Variants in PCDH15 observed in about 807,000 individuals in gnomAD.
PCDH15 encodes the protein protocadherin related 15, also known as protocadherin-15.
In PCDH15, 129 loss-of-function variants were observed where a neutral mutation model predicts 178.5. The observed-to-expected ratio is 0.72, with a 90% CI of 0.63 to 0.84. The LOEUF (loss-of-function observed/expected upper bound fraction) is 0.84. PCDH15 is among the 40% of genes least tolerant of loss of function. The pLI is 0.00. For synonymous variants in PCDH15, 800 were observed against 732.0 expected (o/e 1.09, Z -1.50); for missense variants, 2,230 against 2,099.9 (o/e 1.06, Z -1.21).
intron 2 of PCDH15, among the ~76,000 whole-genome samples, chr10:54,569,639 T>A (rs915827597): frequency 6.6e-6 from 1 of 152,206 alleles, no homozygotes; most frequent in East Asian, 1.9e-4. Context: ...TACTCCAAGG[T>A]TGGCTTTGGG....
intron 2 of PCDH15, among the ~76,000 whole-genome samples, chr10:55,487,633 G>A (rs988474340): frequency 6.6e-6 from 1 of 151,488 alleles, no homozygotes; most frequent in Admixed American, 6.6e-5. Context: ...TTCCACTTTT[G>A]ATTACTGCTA....
intron 1 of PCDH15, among the ~76,000 whole-genome samples, chr10:55,253,281 A>G (rs1302110394): frequency 6.6e-6 from 1 of 151,606 alleles, no homozygotes; most frequent in East Asian, 1.9e-4. Flanking sequence ...CATGCAAGTA[A>G]GAACTTAAAG....
At chr10:54,238,611 T>C (rs1307789363) in intron 8 of PCDH15, among the ~76,000 whole-genome samples, 1 of 151,384 alleles carries the variant, frequency 6.6e-6, no homozygotes, top group Non-Finnish European at 1.5e-5. Context: ...ATCCAGAAGA[T>C]TATTGTTCTT....
At chr10:55,593,387 G>A (rs1842879787) in intron 2 of PCDH15, among the ~76,000 whole-genome samples, 1 of 151,804 alleles carries the variant, frequency 6.6e-6, no homozygotes, top group Non-Finnish European at 1.5e-5. Flanking sequence ...CACTGAACAT[G>A]TATAATTTAT....
chr10:54,789,966 GA>G (rs1304961047), intron 1 of PCDH15, among the ~76,000 whole-genome samples: 1 of 151,856 alleles, frequency 6.6e-6, no homozygotes, highest in Non-Finnish European at 1.5e-5. Flanking sequence ...ATTGACTGGA[GA>G]AAATACGACA....
At position 55,542,285 on chromosome 10, in the gene PCDH15, A is replaced by G. The variant is rs568830099; in HGVS notation, c.-156+85340T>C. Among the ~76,000 whole-genome samples, 5 of 151,228 alleles carry G rather than the reference A, an allele frequency of 3.3e-5. No individual in the cohort carries two copies. In the South Asian group the frequency reaches 8.3e-4, roughly 25 times the overall value. On this transcript the variant is annotated intron_variant, in intron 2 of 5. Coordinates refer to the PCDH15 transcript ENST00000613346. ...TACAGTATGTCTATATTATGTATAT[A>G]TGGACATATGTACAATATGTCCATA...
At chr10:54,791,315 C>T (rs944079840) in intron 1 of PCDH15, among the ~76,000 whole-genome samples, 2 of 151,758 alleles carry the variant, frequency 1.3e-5, no homozygotes, top group Admixed American at 1.3e-4. Flanking sequence ...AGAAAAATAG[C>T]AAAGGTGGAA....
intron 1 of PCDH15, among the ~76,000 whole-genome samples, chr10:55,178,122 C>G (rs920726336): frequency 6.6e-6 from 1 of 152,088 alleles, no homozygotes; most frequent in African/African-American, 2.4e-5. Context: ...AATTGGTCTC[C>G]CTTTAAACAC....
At chr10:55,464,869 T>C (rs1329591651) in intron 2 of PCDH15, among the ~76,000 whole-genome samples, 2 of 146,168 alleles carry the variant, frequency 1.4e-5, no homozygotes, top group Non-Finnish European at 3.0e-5. Context: ...ATTTACAAAT[T>C]GGTAATAAGG....
chr10:54,915,140 C>A (rs776095288), intron 2 of PCDH15, among the ~76,000 whole-genome samples: 3 of 152,202 alleles, frequency 2.0e-5, no homozygotes, highest in East Asian at 3.9e-4. Context: ...CATAAAAGAA[C>A]GATCAAGATG....
At chr10:54,119,708 C>T (rs1372882867) in intron 15 of PCDH15, among the ~76,000 whole-genome samples, 2 of 152,066 alleles carry the variant, frequency 1.3e-5, no homozygotes, top group African/African-American at 2.4e-5. Flanking sequence ...GACTGTCCAA[C>T]ATCAATACTT....
intron 10 of PCDH15, among the ~76,000 whole-genome samples, chr10:54,204,604 TA>T (rs61083505): frequency 5.3e-5 from 8 of 151,676 alleles, no homozygotes; most frequent in Admixed American, 1.3e-4. Context: ...AAAATGTTAC[TA>T]AAAAAATAAG....
At chr10:53,871,061 C>T (rs955120469) in intron 26 of PCDH15, among the ~76,000 whole-genome samples, 4 of 151,726 alleles carry the variant, frequency 2.6e-5, no homozygotes, top group African/African-American at 4.8e-5. Flanking sequence ...AGGCCGGGCG[C>T]GGTGGCTCAC....
At chr10:55,580,426 C>T (rs1245203698) in intron 2 of PCDH15, among the ~76,000 whole-genome samples, 4 of 149,024 alleles carry the variant, frequency 2.7e-5, no homozygotes, top group Non-Finnish European at 5.9e-5. Flanking sequence ...GACATGATCT[C>T]GGCTCACTGC....
At chr10:53,844,357 C>T (rs1366193266) in intron 28 of PCDH15, among the ~76,000 whole-genome samples, 1 of 151,982 alleles carries the variant, frequency 6.6e-6, no homozygotes, top group African/African-American at 2.4e-5. Flanking sequence ...AATGCTCAGC[C>T]TACTCAATAA....
At chr10:53,892,424 AT>A (rs1419900630) in intron 26 of PCDH15, among the ~76,000 whole-genome samples, 1 of 152,182 alleles carries the variant, frequency 6.6e-6, no homozygotes, top group East Asian at 1.9e-4. Context: ...AATTAAAGCA[AT>A]TTTTAATTAA....
At chr10:55,402,364 T>C (rs1044580758) in intron 2 of PCDH15, among the ~76,000 whole-genome samples, 2 of 151,996 alleles carry the variant, frequency 1.3e-5, no homozygotes, top group African/African-American at 2.4e-5. Context: ...TTTATTCATA[T>C]TAAGATTATT....
intron 32 of PCDH15, chr10:53,823,285 C>T (rs760230566): frequency 6.2e-7 from 1 of 1,613,970 alleles, no homozygotes; most frequent in South Asian, 1.1e-5. Context: ...GGCATCACAA[C>T]TTGTTGATGT....
At chr10:54,246,832 CTT>C in intron 8 of PCDH15, among the ~76,000 whole-genome samples, 1 of 152,020 alleles carries the variant, frequency 6.6e-6, no homozygotes, top group African/African-American at 2.4e-5. Context: ...ATTTCAGTCT[CTT>C]AAGATTTTAG....
Sources: gnomAD v4.1 joint callset for allele counts (sites outside exome capture counted in the v4.1 genomes callset) on GRCh38, gnomAD v4.1.1 for gene constraint, MANE v1.5 for transcripts, NCBI Gene and HGNC (gene_info 2026-07-23, HGNC 2026-07-21) for gene names.